Variants in MOBP observed in about 807,000 individuals in gnomAD.
MOBP encodes myelin associated oligodendrocyte basic protein, also known as myelin-associated oligodendrocyte basic protein.
A neutral mutation model predicts 15.0 loss-of-function variants in MOBP; 5 were observed. The observed-to-expected ratio is 0.33, with a 90% CI of 0.17 to 0.70. MOBP has a LOEUF of 0.70. Ranked by LOEUF, MOBP falls within the 30% of genes least tolerant of loss-of-function variation. MOBP has a pLI of 0.67. For missense variants in MOBP, 188 were observed against 257.8 expected, an observed-to-expected ratio of 0.73 and a Z score of 1.85; for synonymous variants, 88 against 99.0, an observed-to-expected ratio of 0.89 and a Z score of 0.66.
At chr3:39,485,003 T>C (rs923437812) in intron 2 of MOBP, among the ~76,000 whole-genome samples, 1 of 152,224 alleles carries the variant, frequency 6.6e-6, no homozygotes, top group African/African-American at 2.4e-5. Flanking sequence ...AATTAAGGAC[T>C]CTCTTATGTT....
intron 2 of MOBP, among the ~76,000 whole-genome samples, chr3:39,498,816 G>A (rs1267251105): frequency 6.6e-6 from 1 of 152,140 alleles, no homozygotes; most frequent in Non-Finnish European, 1.5e-5. Context: ...AAGTTGTCAT[G>A]GAGTAAGAAA....
At chr3:39,472,018 G>A (rs2042477432) in intron 1 of MOBP, among the ~76,000 whole-genome samples, 1 of 152,166 alleles carries the variant, frequency 6.6e-6, no homozygotes, top group South Asian at 2.1e-4. Context: ...GGTTTCCTCA[G>A]AATCACCAAG....
chr3:39,475,540 C>T (rs1398666), intron 1 of MOBP, among the ~76,000 whole-genome samples: 54,188 of 152,024 alleles, frequency 0.36, 13,417 homozygotes, highest in African/African-American at 0.71. Context: ...CTTCTACATT[C>T]ATTAATTGGA....
At chr3:39,508,109 G>C (rs887753401) in intron 4 of MOBP, among the ~76,000 whole-genome samples, 9 of 152,210 alleles carry the variant, frequency 5.9e-5, no homozygotes, top group African/African-American at 2.2e-4. Flanking sequence ...AAGCAGAATT[G>C]TGTTTATCCT....
downstream of MOBP, chr3:39,526,502 A>G (rs1018612610): frequency 2.6e-5 from 4 of 152,216 alleles, no homozygotes; most frequent in African/African-American, 9.6e-5. Flanking sequence ...ACCAGTAAAT[A>G]TTGCAAAAAT....
chr3:39,523,131 G>T (rs2043290169), intron 3 of MOBP, among the ~76,000 whole-genome samples: 2 of 152,196 alleles, frequency 1.3e-5, no homozygotes, highest in South Asian at 4.2e-4. Context: ...TGATCAAGGT[G>T]CCTGGTCCTA....
At chr3:39,523,021 G>A (rs1421425178) in intron 3 of MOBP, among the ~76,000 whole-genome samples, 2 of 152,208 alleles carry the variant, frequency 1.3e-5, no homozygotes, top group Non-Finnish European at 2.9e-5. Context: ...TGGATGCACT[G>A]CAGTCTTCTG....
chr3:39,477,436 G>A (rs2042559113), intron 1 of MOBP, among the ~76,000 whole-genome samples: 1 of 151,840 alleles, frequency 6.6e-6, no homozygotes, highest in Non-Finnish European at 1.5e-5. Flanking sequence ...TCATCTGTTT[G>A]TGGTAATGCT....
At chr3:39,513,356 GTTTTTC>G in intron 4 of MOBP, 1 of 1,609,790 alleles carries the variant, frequency 6.2e-7, no homozygotes, top group Non-Finnish European at 8.5e-7. Flanking sequence ...TATGTCATGT[GTTTTTC>G]TTTTTCTCTT....
chr3:39,502,249 G>C lies in MOBP; in HGVS notation c.180G>C (p.Trp60Cys), dbSNP rs954602814. 1.3e-5 allele frequency: 21 copies of C among 1,614,070 alleles called. No homozygotes were observed. The highest frequency in any genetic ancestry group is 1.6e-5 in the Non-Finnish European group (19 of 1,180,046). Reference protein sequence around the residue: ...GCFYQKKEEDWICCACQKTRT... With the variant: ...GCFYQKKEEDCICCACQKTRT... ...TCTACCAGAAGAAAGAGGAGGACTG[G>C]ATCTGCTGCGCCTGCCAGAAGACCA... is the stretch of plus-strand genomic sequence containing the variant. The change falls in exon 3 of 4, where the codon TGG (tryptophan) becomes TGC (cysteine). Residue 60 changes from tryptophan to cysteine, a missense_variant. Trp to Cys is a radical substitution (Grantham distance 215). This residue lies in a region of MOBP where 133 missense variants were observed against 212.5 expected (regional missense o/e 0.63). Transcript: ENST00000684792. The surrounding 1 kb of genome is among the most constrained non-coding windows in gnomAD (Gnocchi z 6.3).
intron 4 of MOBP, among the ~76,000 whole-genome samples, chr3:39,511,401 A>G (rs1413698546): frequency 6.6e-6 from 1 of 152,214 alleles, no homozygotes; most frequent in Non-Finnish European, 1.5e-5. Flanking sequence ...AAGCTGTGCT[A>G]CAATACGATG....
intron 2 of MOBP, among the ~76,000 whole-genome samples, chr3:39,482,913 C>T (rs569170242): frequency 3.9e-5 from 6 of 152,190 alleles, no homozygotes; most frequent in East Asian, 1.9e-4. Flanking sequence ...CAAACACTCT[C>T]GGCCTACTCC....
downstream of MOBP, chr3:39,526,433 A>G (rs1202849153): frequency 6.6e-6 from 1 of 152,200 alleles, no homozygotes; most frequent in Non-Finnish European, 1.5e-5. Context: ...ATTATAACTA[A>G]AAGGTGCTAT....
chr3:39,470,371 G>T (rs1708089), intron 1 of MOBP, among the ~76,000 whole-genome samples: 44,610 of 152,044 alleles, frequency 0.29, 8,915 homozygotes, highest in African/African-American at 0.57. Flanking sequence ...CCAGACATTC[G>T]TAAAACAAGT....
chr3:39,513,455 C>T (rs552724), exon 5 of MOBP: 305,483 of 1,606,344 alleles, frequency 0.19, 30,184 homozygotes, highest in Admixed American at 0.24. Context: ...TGAACAACCT[C>T]GGCTCCTGGA....
chr3:39,527,794 T>C (rs2043339689), downstream of MOBP: 1 of 152,222 alleles, frequency 6.6e-6, no homozygotes, highest in South Asian at 2.1e-4. Flanking sequence ...AGCGTATCTA[T>C]GTATCATACT....
At chr3:39,493,409 C>G (rs1007808575) in intron 2 of MOBP, among the ~76,000 whole-genome samples, 1 of 151,602 alleles carries the variant, frequency 6.6e-6, no homozygotes, top group East Asian at 1.9e-4. Flanking sequence ...CCTAAAGAGC[C>G]CAGTTTTAGA....
intron 2 of MOBP, chr3:39,500,032 C>G (rs1309851860): frequency 2.2e-6 from 1 of 456,114 alleles, no homozygotes; most frequent in Non-Finnish European, 4.4e-6. Context: ...TTGTATGACA[C>G]TCACTGATGT....
At chr3:39,518,266 A>G (rs1479860835), downstream of MOBP, among the ~76,000 whole-genome samples, 1 of 152,160 alleles carries the variant, frequency 6.6e-6, no homozygotes, top group Non-Finnish European at 1.5e-5. Context: ...AATAATGCCA[A>G]GTTACTGGGG....
Sources: gnomAD v4.1 joint callset for allele counts (sites outside exome capture counted in the v4.1 genomes callset) on GRCh38, gnomAD v4.1.1 for gene constraint, gnomAD v4.1.1 regional missense constraint, Gnocchi (gnomAD v3.1) non-coding constraint, MANE v1.5 for transcripts, NCBI Gene and HGNC (gene_info 2026-07-23, HGNC 2026-07-21) for gene names.